The following STK33 variants were observed in gnomAD, a reference collection of about 807,000 sequenced individuals.
STK33 encodes the protein serine/threonine-protein kinase 33.
Under a neutral mutation model 58.0 loss-of-function variants are expected in STK33, and 52 were observed. That is an observed-to-expected ratio of 0.90 (90% CI 0.72 to 1.13). STK33 has a LOEUF of 1.13. STK33 is among the 50% of genes most tolerant of loss of function. The pLI, the probability that STK33 is intolerant of heterozygous loss-of-function variation, is 0.00. For synonymous variants in STK33, 215 were observed against 200.1 expected, an observed-to-expected ratio of 1.07 and a Z score of -0.63; for missense variants, 630 against 604.2, an observed-to-expected ratio of 1.04 and a Z score of -0.45.
the STK33 span, among the ~76,000 whole-genome samples, chr11:8,356,776 T>C: frequency 6.6e-6 from 1 of 152,242 alleles, no homozygotes; most frequent in Admixed American, 6.5e-5. Flanking sequence ...AGCTGTCAGA[T>C]AGCTGGACCG....
At chr11:8,397,930 G>A (rs11041904) in intron 15 of STK33, among the ~76,000 whole-genome samples, 8,934 of 152,154 alleles carry the variant, frequency 0.059, 455 homozygotes, top group East Asian at 0.27. Context: ...AAAAAGAAAC[G>A]AACAAAGCCT....
At chr11:8,339,597 G>A in the STK33 span, among the ~76,000 whole-genome samples, 2 of 152,234 alleles carry the variant, frequency 1.3e-5, no homozygotes, top group South Asian at 4.1e-4. Context: ...GCGCTCGGCG[G>A]CAGAGGCGCC....
At chr11:8,525,031 T>C (rs1953906192) in intron 1 of STK33, among the ~76,000 whole-genome samples, 1 of 152,104 alleles carries the variant, frequency 6.6e-6, no homozygotes, top group South Asian at 2.1e-4. Context: ...ACTGGTTTTT[T>C]AATGTGAAAG....
chr11:8,377,693 T>C, the STK33 span, among the ~76,000 whole-genome samples: 1 of 152,190 alleles, frequency 6.6e-6, no homozygotes, highest in East Asian at 1.9e-4. Context: ...ACCAATTATA[T>C]GATCATATAC....
At chr11:8,402,000 A>G (rs1445017805) in intron 15 of STK33, among the ~76,000 whole-genome samples, 1 of 152,174 alleles carries the variant, frequency 6.6e-6, no homozygotes, top group Non-Finnish European at 1.5e-5. Flanking sequence ...AAATAGGAAC[A>G]CTTTTACACT....
At chr11:8,561,331 A>G (rs11041986) in intron 1 of STK33, among the ~76,000 whole-genome samples, 71,821 of 151,998 alleles carry the variant, frequency 0.47, 17,382 homozygotes, top group South Asian at 0.58. Flanking sequence ...CCCTGCCTAC[A>G]CACATTCCAC....
At chr11:8,546,678 A>G (rs1483732608) in intron 1 of STK33, among the ~76,000 whole-genome samples, 2 of 151,922 alleles carry the variant, frequency 1.3e-5, no homozygotes, top group African/African-American at 2.4e-5. Context: ...ACATGAGTGA[A>G]ATCATGCAAT....
chr11:8,416,896 A>G (rs1195090749), intron 14 of STK33, among the ~76,000 whole-genome samples: 1 of 152,168 alleles, frequency 6.6e-6, no homozygotes, highest in Non-Finnish European at 1.5e-5. Flanking sequence ...CCTGTTGTCT[A>G]ATGTGCATCT....
chr11:8,579,200 A>G (rs1294501079), intron 1 of STK33, among the ~76,000 whole-genome samples: 1 of 151,894 alleles, frequency 6.6e-6, no homozygotes, highest in Admixed American at 6.6e-5. Context: ...TAGAGTAGGG[A>G]TTTTGTGAGC....
chr11:8,380,093 C>G, the STK33 span, among the ~76,000 whole-genome samples: 1 of 152,120 alleles, frequency 6.6e-6, no homozygotes, highest in African/African-American at 2.4e-5. Flanking sequence ...TGAACATACA[C>G]GTGCATGTGT....
At chr11:8,546,286 T>C (rs1184489298) in intron 1 of STK33, among the ~76,000 whole-genome samples, 1 of 152,194 alleles carries the variant, frequency 6.6e-6, no homozygotes, top group Non-Finnish European at 1.5e-5. Flanking sequence ...TCTTCAATAA[T>C]AAACTAGCTT....
intron 1 of STK33, among the ~76,000 whole-genome samples, chr11:8,491,251 G>T (rs1402199546): frequency 1.3e-5 from 2 of 152,182 alleles, no homozygotes; most frequent in African/African-American, 4.8e-5. Flanking sequence ...GAACTTAAAT[G>T]ACCTGATGGA....
At chr11:8,472,483 A>T (rs935354186) in intron 6 of STK33, among the ~76,000 whole-genome samples, 1 of 151,970 alleles carries the variant, frequency 6.6e-6, no homozygotes, top group African/African-American at 2.4e-5. Flanking sequence ...AGGCCCAAGG[A>T]GAGGGAGAGA....
rs923738017 is a variant in STK33, at chr11:8,586,675, T to C, written c.-466+7408A>G. 2.6e-5 allele frequency among the ~76,000 whole-genome samples: 4 copies of C among 151,866 alleles called. No individual in the cohort carries two copies. In the South Asian group the frequency reaches 8.3e-4, roughly 32 times the overall value. ...CCCGTCTGTACTAAAACTACAAAAATTAGCTGGGCATGTTGGCAGGCACTT... is the reference window on the plus strand; with the variant it reads ...CCCGTCTGTACTAAAACTACAAAAACTAGCTGGGCATGTTGGCAGGCACTT... On this transcript the variant is annotated intron_variant, in intron 1 of 15. Coordinates refer to ENST00000687296, the MANE Select transcript of STK33 (RefSeq NM_001352389.2).
At chr11:8,532,809 T>C (rs1954658899) in intron 1 of STK33, among the ~76,000 whole-genome samples, 1 of 152,214 alleles carries the variant, frequency 6.6e-6, no homozygotes, top group African/African-American at 2.4e-5. Flanking sequence ...AGGTTTAAGA[T>C]TATTTTCAAA....
intron 1 of STK33, among the ~76,000 whole-genome samples, chr11:8,486,789 G>C (rs1404813337): frequency 6.6e-6 from 1 of 152,204 alleles, no homozygotes; most frequent in African/African-American, 2.4e-5. Context: ...TAAGCAAGAT[G>C]AAATTGTGGC....
chr11:8,534,600 G>C (rs2140198920), intron 1 of STK33, among the ~76,000 whole-genome samples: 1 of 145,024 alleles, frequency 6.9e-6, no homozygotes, highest in East Asian at 2.0e-4. Flanking sequence ...GTGTGTGTGT[G>C]TCAAGGTAAA....
rs190007202 is a variant in STK33 at position 8,416,913 on chromosome 11, C to A, written c.1147-3221G>T. On this transcript the variant is annotated intron_variant, in intron 14 of 15. Coordinates refer to ENST00000687296, the MANE Select transcript of STK33 (RefSeq NM_001352389.2). ...TGTTGTCTAATGTGCATCTGGATAACTTACTATACCACCTACTTCTTGCTT... is the reference window on the plus strand; with the variant it reads ...TGTTGTCTAATGTGCATCTGGATAAATTACTATACCACCTACTTCTTGCTT... 7.2e-5 allele frequency among the ~76,000 whole-genome samples: 11 copies of A among 152,282 alleles called. No individual in the cohort carries two copies. The East Asian group carries it at 2.1e-3, about 29-fold the overall frequency.
chr11:8,399,107 C>T (rs1849908622), intron 15 of STK33, among the ~76,000 whole-genome samples: 1 of 152,176 alleles, frequency 6.6e-6, no homozygotes, highest in African/African-American at 2.4e-5. Context: ...CAGCTCTGCA[C>T]CAAGTGGACC....
Sources: allele counts gnomAD v4.1 joint callset (sites outside exome capture counted in the v4.1 genomes callset), GRCh38; gene constraint gnomAD v4.1.1; transcripts MANE v1.5; gene names NCBI Gene and HGNC (gene_info 2026-07-23, HGNC 2026-07-21).